Variants in DLC1 observed in about 807,000 individuals in gnomAD.
The protein encoded by DLC1 is DLC1 Rho GTPase activating protein.
Under a neutral mutation model 140.3 loss-of-function variants are expected in DLC1, and 54 were observed. That is an observed-to-expected ratio of 0.38 (90% confidence interval 0.31 to 0.48). The LOEUF is 0.48. DLC1 is among the 20% of genes least tolerant of loss of function. The pLI, the probability that DLC1 is intolerant of heterozygous loss-of-function variation, is 0.96. For synonymous variants in DLC1, 986 were observed against 728.1 expected, an observed-to-expected ratio of 1.35 and a Z score of -5.70; for missense variants, 2,536 against 1,907.0, an observed-to-expected ratio of 1.33 and a Z score of -6.14.
chr8:13,594,467 A>T (rs1805621318), intron 1 of DLC1, among the ~76,000 whole-genome samples: 1 of 152,078 alleles, frequency 6.6e-6, no homozygotes, highest in African/African-American at 2.4e-5. Flanking sequence ...GGATTCTCCC[A>T]CATTGCTTTC....
At chr8:13,185,468 C>A (rs578095612) in intron 5 of DLC1, among the ~76,000 whole-genome samples, 1 of 151,720 alleles carries the variant, frequency 6.6e-6, no homozygotes, top group Admixed American at 6.6e-5. Flanking sequence ...CCACCACGCC[C>A]GGCTAATTTT....
chr8:13,374,182 G>C (rs1474304334), intron 4 of DLC1, among the ~76,000 whole-genome samples: 1 of 152,158 alleles, frequency 6.6e-6, no homozygotes, highest in Non-Finnish European at 1.5e-5. Flanking sequence ...AAAAATGCAA[G>C]GTCAGTGGCT....
At chr8:13,522,735 G>A (rs975680810) in intron 1 of DLC1, among the ~76,000 whole-genome samples, 2 of 152,082 alleles carry the variant, frequency 1.3e-5, no homozygotes, top group East Asian at 1.9e-4. Flanking sequence ...AAAATGCAGA[G>A]CATGCTAAGG....
At chr8:13,517,800 C>A (rs983263997), upstream of DLC1, among the ~76,000 whole-genome samples, 1 of 152,212 alleles carries the variant, frequency 6.6e-6, no homozygotes, top group Non-Finnish European at 1.5e-5. Flanking sequence ...CTTTTGTGAC[C>A]TGTGTGAGTT....
chr8:13,533,182 C>A (rs1183569672), intron 1 of DLC1, among the ~76,000 whole-genome samples: 1 of 151,970 alleles, frequency 6.6e-6, no homozygotes, highest in Non-Finnish European at 1.5e-5. Context: ...TAAAGAGAAA[C>A]ACTGGGTAAA....
chr8:13,261,802 A>T (rs1217405472), intron 5 of DLC1, among the ~76,000 whole-genome samples: 1 of 152,220 alleles, frequency 6.6e-6, no homozygotes, highest in African/African-American at 2.4e-5. Context: ...AAAAAGCTCA[A>T]TTTTTGACAT....
chr8:13,542,305 C>G (rs184965719), intron 1 of DLC1, among the ~76,000 whole-genome samples: 1 of 152,230 alleles, frequency 6.6e-6, no homozygotes, highest in East Asian at 1.9e-4. Context: ...GTTGAAAGGA[C>G]AATTCTTTCT....
At chr8:13,380,928 G>A (rs145903201) in intron 4 of DLC1, among the ~76,000 whole-genome samples, 1 of 152,258 alleles carries the variant, frequency 6.6e-6, no homozygotes, top group Non-Finnish European at 1.5e-5. Flanking sequence ...ATTTTTGTAT[G>A]CAGTGAAAAC....
At chr8:13,332,633 G>C (rs1044935074) in intron 4 of DLC1, among the ~76,000 whole-genome samples, 4 of 151,882 alleles carry the variant, frequency 2.6e-5, no homozygotes, top group African/African-American at 9.7e-5. Context: ...GTTCCATGTT[G>C]GCCTGGCTTG....
At chr8:13,550,174 G>A (rs1585264591) in intron 1 of DLC1, among the ~76,000 whole-genome samples, 1 of 152,088 alleles carries the variant, frequency 6.6e-6, no homozygotes, top group Non-Finnish European at 1.5e-5. Context: ...GGAGGTGATT[G>A]GATTATGGGG....
chr8:13,335,234 G>C (rs1833772100), intron 4 of DLC1, among the ~76,000 whole-genome samples: 1 of 152,180 alleles, frequency 6.6e-6, no homozygotes, highest in Non-Finnish European at 1.5e-5. Flanking sequence ...GGAGGAGGAA[G>C]AGCAAAGGAG....
At chr8:13,294,665 G>A (rs1831879690) in intron 5 of DLC1, among the ~76,000 whole-genome samples, 1 of 152,042 alleles carries the variant, frequency 6.6e-6, no homozygotes, top group Non-Finnish European at 1.5e-5. Flanking sequence ...AAATTAGGGT[G>A]AAAAGGAAGG....
intron 4 of DLC1, among the ~76,000 whole-genome samples, chr8:13,337,034 G>T (rs1833837585): frequency 6.6e-6 from 1 of 152,158 alleles, no homozygotes; most frequent in African/African-American, 2.4e-5. Flanking sequence ...AAAAGGAAAA[G>T]TATAACTTCC....
At chr8:13,410,566 G>A (rs1837739320) in intron 2 of DLC1, among the ~76,000 whole-genome samples, 1 of 151,666 alleles carries the variant, frequency 6.6e-6, no homozygotes, top group East Asian at 1.9e-4. Context: ...AAATGGAATA[G>A]GAGGAAAAAC....
chr8:13,310,803 G>T (rs1297025415), intron 4 of DLC1, among the ~76,000 whole-genome samples: 1 of 152,090 alleles, frequency 6.6e-6, no homozygotes, highest in Non-Finnish European at 1.5e-5. Flanking sequence ...CTCTAGCTTT[G>T]ACAGTCATCA....
Position 13,188,840 on chromosome 8 carries a change from T to C in DLC1, c.1349-73183A>G, listed in dbSNP as rs13251929. On this transcript the variant is annotated intron_variant, in intron 5 of 17. Transcript: ENST00000276297. ...ATATATATATATGTATATATATATA[T>C]ATATTTTTTTTTTTTTTTTTTTTTT... is the stretch of plus-strand genomic sequence containing the variant. Among the ~76,000 whole-genome samples, 36 of 30,608 alleles carry C rather than the reference T, an allele frequency of 1.2e-3. 1 individual carries two copies. In the East Asian group the frequency reaches 0.047, roughly 40 times the overall value. 20.1% of individuals were successfully genotyped at this position (30,608 alleles called of 152,430 possible). A position where few individuals can be genotyped will look rare whatever the true frequency, so the allele number is the denominator to read the frequency against.
At chr8:13,141,028 G>T (rs1288468769) in intron 5 of DLC1, among the ~76,000 whole-genome samples, 1 of 152,088 alleles carries the variant, frequency 6.6e-6, no homozygotes, top group Non-Finnish European at 1.5e-5. Context: ...GCCGAGGCGT[G>T]TGGATCACGT....
Position 13,156,567 on chromosome 8 carries a change from G to A in DLC1, c.1349-40910C>T, listed in dbSNP as rs866832039. 4.6e-5 allele frequency among the ~76,000 whole-genome samples: 7 copies of A among 152,258 alleles called. 1 individual carries two copies. In the East Asian group the frequency reaches 9.6e-4, roughly 21 times the overall value. On this transcript the variant is annotated intron_variant, in intron 5 of 17. Transcript: ENST00000276297. ...GACTCTTGAGTCATTGGCGGGCTGC[G>A]CATGCACACACTTCCCATCCCTTCC... is the stretch of plus-strand genomic sequence containing the variant.
intron 7 of DLC1, among the ~76,000 whole-genome samples, chr8:13,107,005 T>G (rs945430945): frequency 6.6e-6 from 1 of 152,226 alleles, no homozygotes; most frequent in African/African-American, 2.4e-5. Flanking sequence ...AGGATTACCA[T>G]TGAGTATAGC....
Sources: gnomAD v4.1 joint callset for allele counts (sites outside exome capture counted in the v4.1 genomes callset) on GRCh38, gnomAD v4.1.1 for gene constraint, MANE v1.5 for transcripts, NCBI Gene and HGNC (gene_info 2026-07-23, HGNC 2026-07-21) for gene names.